PARG: variants seen among roughly 807,000 people sequenced by gnomAD.
The protein encoded by PARG is mitochondrial poly(ADP-ribose) glycohydrolase.
A neutral mutation model predicts 113.0 loss-of-function variants in PARG; 35 were observed. The observed-to-expected ratio is 0.31, with a 90% CI of 0.24 to 0.41. PARG has a LOEUF of 0.41. Among genes scored for constraint, PARG ranks in the 10% least tolerant of loss-of-function variants. The pLI is 1.00. For synonymous variants in PARG, 330 were observed against 409.9 expected (o/e 0.81, Z 2.36); for missense variants, 797 against 1,169.4 (o/e 0.68, Z 4.64).
intron 9 of PARG, among the ~76,000 whole-genome samples, chr10:49,878,110 C>G (rs1847033705): frequency 6.6e-6 from 1 of 151,590 alleles, no homozygotes; most frequent in Non-Finnish European, 1.5e-5. Context: ...GTGGTATTCT[C>G]CCAAAAATGC....
At chr10:49,822,271 C>T (rs1210104261) in intron 16 of PARG, among the ~76,000 whole-genome samples, 1 of 151,650 alleles carries the variant, frequency 6.6e-6, no homozygotes, top group Non-Finnish European at 1.5e-5. Flanking sequence ...TATATATTTC[C>T]TAGCTCTGTC....
At chr10:49,932,953 T>C (rs1216023470) in intron 3 of PARG, among the ~76,000 whole-genome samples, 3 of 152,216 alleles carry the variant, frequency 2.0e-5, no homozygotes, top group Non-Finnish European at 4.4e-5. Context: ...AGGAAACTCA[T>C]GAAACTAAAA....
At chr10:49,915,328 T>C (rs1210865788) in intron 7 of PARG, among the ~76,000 whole-genome samples, 1 of 152,006 alleles carries the variant, frequency 6.6e-6, no homozygotes, top group Non-Finnish European at 1.5e-5. Context: ...AAAGAAGATA[T>C]AGAAATGGCC....
At chr10:49,906,297 A>T (rs1848587427) in intron 7 of PARG, among the ~76,000 whole-genome samples, 1 of 151,852 alleles carries the variant, frequency 6.6e-6, no homozygotes, top group Non-Finnish European at 1.5e-5. Context: ...GTTCTAAATG[A>T]TGCCAGATCT....
At chr10:49,837,118 C>T (rs1844977195) in intron 15 of PARG, among the ~76,000 whole-genome samples, 1 of 152,114 alleles carries the variant, frequency 6.6e-6, no homozygotes, top group Non-Finnish European at 1.5e-5. Context: ...GACTGGTCCC[C>T]CCCTTTAAAA....
At chr10:49,841,885 G>A (rs1845258519) in intron 15 of PARG, 65 bp downstream of exon 15, 4 of 978,126 alleles carry the variant, frequency 4.1e-6, no homozygotes, top group African/African-American at 1.6e-5. Flanking sequence ...ATTAATTTCA[G>A]CATTAATAAA....
At position 49,869,441 on chromosome 10, in the gene PARG, CAAGAAA is replaced by C. The variant is rs1422150564; in HGVS notation, c.2068+29_2068+34del. On this transcript the variant is annotated intron_variant, in intron 10 of 17. Transcript: ENST00000616448. ...ACTTGACTTGAACTGTTCCCATCAG[CAAGAAA>C]AATTACAGTAAGAATGAAAGGAATT... is the stretch of plus-strand genomic sequence containing the variant. 1.3e-5 allele frequency: 9 copies of C among 713,564 alleles called. No individual in the cohort carries two copies. In the African/African-American group the frequency reaches 1.6e-4, roughly 13 times the overall value. The allele number at this position is 713,564 out of a possible 1,614,324, so 44.2% of individuals were successfully genotyped here.
chr10:49,858,980 A>AT, intron 12 of PARG, among the ~76,000 whole-genome samples: 1 of 151,990 alleles, frequency 6.6e-6, no homozygotes, highest in East Asian at 1.9e-4. Flanking sequence ...CAGAATGAGC[A>AT]TAAGCAGAAT....
intron 8 of PARG, among the ~76,000 whole-genome samples, chr10:49,880,958 T>C (rs1179968868): frequency 6.6e-6 from 1 of 152,236 alleles, no homozygotes; most frequent in East Asian, 1.9e-4. Flanking sequence ...AAAATGTACA[T>C]TCTGTAAAGA....
At chr10:49,925,583 T>C (rs1187614196) in intron 4 of PARG, among the ~76,000 whole-genome samples, 4 of 152,210 alleles carry the variant, frequency 2.6e-5, no homozygotes, top group African/African-American at 9.7e-5. Context: ...TCACAGGCCA[T>C]TGGTCACTCA....
chr10:49,845,430 A>G (rs1407308667), intron 13 of PARG, among the ~76,000 whole-genome samples: 7 of 152,198 alleles, frequency 4.6e-5, no homozygotes, highest in African/African-American at 1.4e-4. Flanking sequence ...ATTGGCCTAC[A>G]CAATTGTGGA....
At chr10:49,934,308 A>G in intron 2 of PARG, 145 bp from the exon 3 acceptor site, 1 of 604,826 alleles carries the variant, frequency 1.7e-6, no homozygotes, top group African/African-American at 1.9e-5. Context: ...ATGTCTTTGT[A>G]TGTGATCCCT....
chr10:49,839,852 T>C (rs965954976), intron 15 of PARG, among the ~76,000 whole-genome samples: 1 of 152,240 alleles, frequency 6.6e-6, no homozygotes, highest in African/African-American at 2.4e-5. Flanking sequence ...TTGGTTCTAC[T>C]TTCCTTTTCC....
intron 6 of PARG, among the ~76,000 whole-genome samples, chr10:49,921,051 G>A (rs1401228156): frequency 2.6e-5 from 4 of 152,100 alleles, no homozygotes; most frequent in Admixed American, 1.3e-4. Context: ...AGGGAATGGG[G>A]TGGAGAAAGA....
intron 4 of PARG, among the ~76,000 whole-genome samples, chr10:49,929,812 G>A (rs1180583383): frequency 2.3e-5 from 3 of 133,082 alleles, no homozygotes; most frequent in African/African-American, 8.5e-5. Flanking sequence ...GGCAGCAAGA[G>A]CAAAAAACTC....
intron 2 of PARG, among the ~76,000 whole-genome samples, chr10:49,934,787 T>C (rs1466433885): frequency 6.6e-6 from 1 of 151,258 alleles, no homozygotes; most frequent in Non-Finnish European, 1.5e-5. Context: ...AGGCAGAGCT[T>C]GCAGTTAGCC....
intron 7 of PARG, among the ~76,000 whole-genome samples, chr10:49,903,112 C>A: frequency 6.6e-6 from 1 of 151,772 alleles, no homozygotes; most frequent in Non-Finnish European, 1.5e-5. Context: ...GGCATGAGAG[C>A]CACCATGCCC....
At chr10:49,879,941 G>C (rs1403181421) in intron 8 of PARG, 111 bp from the exon 9 acceptor site, 4 of 606,044 alleles carry the variant, frequency 6.6e-6, no homozygotes, top group Non-Finnish European at 1.2e-5. Flanking sequence ...AATAATTTCA[G>C]GCCATTCTTG....
intron 13 of PARG, among the ~76,000 whole-genome samples, chr10:49,847,658 T>C (rs1185041578): frequency 6.7e-6 from 1 of 148,966 alleles, no homozygotes; most frequent in East Asian, 2.0e-4. Context: ...GAAAGAAAGC[T>C]ACAAAGGTCA....
Sources: gnomAD v4.1 joint callset for allele counts (sites outside exome capture counted in the v4.1 genomes callset) on GRCh38, gnomAD v4.1.1 for gene constraint, MANE v1.5 for transcripts, NCBI Gene and HGNC (gene_info 2026-07-23, HGNC 2026-07-21) for gene names.